XPO4: variants seen among roughly 807,000 people sequenced by gnomAD.
XPO4 encodes the protein exportin 4.
XPO4 carries 39 observed loss-of-function variants against 143.0 expected under a neutral mutation model. The observed-to-expected ratio is 0.27, with a 90% CI of 0.21 to 0.36. XPO4 has a LOEUF of 0.36. Ranked by LOEUF, XPO4 falls within the 10% of genes least tolerant of loss-of-function variation. The pLI, the probability that XPO4 is intolerant of heterozygous loss-of-function variation, is 1.00. For synonymous variants in XPO4, 439 were observed against 474.0 expected (o/e 0.93, Z 0.96); for missense variants, 907 against 1,348.0 (o/e 0.67, Z 5.12).
chr13:20,877,805 T>C (rs2060367271), intron 1 of XPO4, among the ~76,000 whole-genome samples: 1 of 152,150 alleles, frequency 6.6e-6, no homozygotes, highest in South Asian at 2.1e-4. Flanking sequence ...AAAATGGATA[T>C]TAAACATGAC....
At chr13:20,818,627 TA>T (rs1233992901) in intron 9 of XPO4, among the ~76,000 whole-genome samples, 4 of 152,208 alleles carry the variant, frequency 2.6e-5, no homozygotes, top group Non-Finnish European at 5.9e-5. Flanking sequence ...AAAAATCATT[TA>T]AAAAATAATT....
intron 1 of XPO4, among the ~76,000 whole-genome samples, chr13:20,871,193 T>C (rs750311978): frequency 5.3e-5 from 8 of 151,668 alleles, no homozygotes; most frequent in Admixed American, 2.0e-4. Context: ...TTTGTTTTGT[T>C]TTCCTGAGAC....
chr13:20,781,772 C>T lies in XPO4; in HGVS notation c.*1950G>A, dbSNP rs2059146767. 6.6e-6 allele frequency: 1 copy of T among 151,974 alleles called. No individual in the cohort carries two copies. Among genetic ancestry groups the T allele is most frequent in the African/African-American group, 2.4e-5 (1 of 41,366 alleles). The allele number at this position is 151,974 out of a possible 1,614,324, so 9.4% of individuals were successfully genotyped here. A position where few individuals can be genotyped will look rare whatever the true frequency, so the allele number is the denominator to read the frequency against. On this transcript the variant is annotated 3_prime_UTR_variant, in exon 23 of 23. Transcript: ENST00000255305. Reference sequence around the variant, plus strand: ...AAAGAGACTGTACTTAGCACACACACAGATACACATAATTCACAACAGCTG... The same window carrying T: ...AAAGAGACTGTACTTAGCACACACATAGATACACATAATTCACAACAGCTG...
chr13:20,839,667 T>A (rs1338237013), intron 6 of XPO4, among the ~76,000 whole-genome samples: 3 of 151,872 alleles, frequency 2.0e-5, no homozygotes, highest in Non-Finnish European at 4.4e-5. Context: ...CAAGACTCCA[T>A]CTCCACAAAA....
chr13:20,870,720 ACT>A (rs2060288638), intron 1 of XPO4, among the ~76,000 whole-genome samples: 1 of 133,994 alleles, frequency 7.5e-6, no homozygotes, highest in South Asian at 2.3e-4. Flanking sequence ...ACAGAGTAAG[ACT>A]CTGCCTCAAA....
At chr13:20,831,574 T>C (rs2059852319) in intron 6 of XPO4, among the ~76,000 whole-genome samples, 1 of 152,178 alleles carries the variant, frequency 6.6e-6, no homozygotes. Context: ...TATGGCTTTA[T>C]ATATTTTTCT....
At chr13:20,800,652 G>A (rs923082698) in intron 14 of XPO4, among the ~76,000 whole-genome samples, 179 bp downstream of exon 14, 1 of 151,920 alleles carries the variant, frequency 6.6e-6, no homozygotes, top group African/African-American at 2.4e-5. Flanking sequence ...GATATCAAGG[G>A]ATGTGCTCAA....
In XPO4 at chr13:20,902,401, G is replaced by C. The variant is rs1017819966; in HGVS notation, c.69+269C>G. The C allele has an allele frequency of 3.0e-6, 3 of 985,320 alleles. No individual in the cohort carries two copies. The African/African-American group carries it at 5.2e-5, about 17-fold the overall frequency. 61.0% of individuals were successfully genotyped at this position (985,320 alleles called of 1,614,324 possible). On this transcript the variant is annotated intron_variant, in intron 1 of 22. Transcript: ENST00000255305. ...TCTGTGGGGCAGGGTGTAAGGTGAA[G>C]AAATTCTCTTTGCTACACCACTATA...
intron 1 of XPO4, among the ~76,000 whole-genome samples, chr13:20,870,971 C>A (rs980390560): frequency 6.6e-5 from 10 of 151,924 alleles, no homozygotes; most frequent in Non-Finnish European, 1.2e-4. Context: ...CCAAGCCCAG[C>A]TAATTTTTGT....
intron 1 of XPO4, among the ~76,000 whole-genome samples, chr13:20,876,204 G>A (rs560948173): frequency 7.4e-4 from 109 of 147,870 alleles, no homozygotes; most frequent in African/African-American, 2.7e-3. Flanking sequence ...AGAGGTTGCA[G>A]TGAGCCAAGA....
At chr13:20,878,172 C>T (rs2060371148) in intron 1 of XPO4, among the ~76,000 whole-genome samples, 1 of 150,146 alleles carries the variant, frequency 6.7e-6, no homozygotes, top group Non-Finnish European at 1.5e-5. Flanking sequence ...GATGCCACCT[C>T]AAAAAAAAAC....
intron 4 of XPO4, among the ~76,000 whole-genome samples, chr13:20,850,457 G>A (rs2060073161): frequency 6.6e-6 from 1 of 152,114 alleles, no homozygotes; most frequent in Admixed American, 6.5e-5. Context: ...ATGCAAACAT[G>A]AGACTAGTAC....
intron 17 of XPO4, 76 bp from the exon 18 acceptor site, chr13:20,796,332 T>C (rs2059358397): frequency 2.8e-6 from 3 of 1,082,120 alleles, no homozygotes; most frequent in Admixed American, 3.4e-5. Context: ...ATAATCTATA[T>C]AAATTAACTC....
At chr13:20,893,441 T>C (rs1566631134) in intron 1 of XPO4, among the ~76,000 whole-genome samples, 2 of 152,152 alleles carry the variant, frequency 1.3e-5, no homozygotes, top group East Asian at 1.9e-4. Flanking sequence ...GGATATGGAA[T>C]GAAACACGGT....
chr13:20,836,982 G>C (rs2059923879), intron 6 of XPO4, among the ~76,000 whole-genome samples: 2 of 152,198 alleles, frequency 1.3e-5, no homozygotes, highest in Non-Finnish European at 2.9e-5. Context: ...TACACATGTT[G>C]TAGCATGTAT....
chr13:20,879,177 AT>A, intron 1 of XPO4: 5 of 985,414 alleles, frequency 5.1e-6, no homozygotes, highest in Non-Finnish European at 6.0e-6. Context: ...AAGACAGGAG[AT>A]TAAAGCCAGG....
chr13:20,797,074 G>T lies in XPO4; in HGVS notation c.2323-17C>A. On this transcript the variant is annotated splice_polypyrimidine_tract_variant and intron_variant, in intron 16 of 22. Coordinates refer to ENST00000255305, the MANE Select transcript of XPO4 (RefSeq NM_022459.5). ...CTGAAGAACCTATAAAAATAAACCA[G>T]GAATTTTCTTAAAGCTCAGTTCTCA... The T allele has an allele frequency of 6.5e-7, 1 of 1,549,534 alleles. No individual in the cohort carries two copies. The highest frequency in any genetic ancestry group is 1.3e-5 in the South Asian group (1 of 79,848).
intron 14 of XPO4, 71 bp from the exon 15 acceptor site, chr13:20,800,396 A>C: frequency 6.9e-7 from 1 of 1,459,504 alleles, no homozygotes; most frequent in African/African-American, 1.4e-5. Context: ...ACAGAGAAAA[A>C]TCGAACTGAA....
chr13:20,869,210 G>A (rs571506635), intron 1 of XPO4, among the ~76,000 whole-genome samples: 138 of 152,178 alleles, frequency 9.1e-4, no homozygotes, highest in Admixed American at 3.0e-3. Context: ...AAAAATTTGG[G>A]AACAGTTAAA....
Sources: allele counts gnomAD v4.1 joint callset (sites outside exome capture counted in the v4.1 genomes callset), GRCh38; gene constraint gnomAD v4.1.1; transcripts MANE v1.5; gene names NCBI Gene and HGNC (gene_info 2026-07-23, HGNC 2026-07-21).